The following ANKS1B variants were observed in gnomAD, a reference collection of about 807,000 sequenced individuals.
The protein encoded by ANKS1B is ankyrin repeat and sterile alpha motif domain-containing protein 1B.
Under a neutral mutation model 148.3 loss-of-function variants are expected in ANKS1B, and 36 were observed. The ratio of observed to expected loss-of-function variants is 0.24; its 90% CI spans 0.19 to 0.32. The LOEUF is 0.32. ANKS1B is among the 10% of genes least tolerant of loss of function. The pLI, the probability that ANKS1B is intolerant of heterozygous loss-of-function variation, is 1.00. For synonymous variants in ANKS1B, 542 were observed against 560.8 expected (o/e 0.97, Z 0.47); for missense variants, 1,157 against 1,542.6 (o/e 0.75, Z 4.19).
At chr12:99,325,816 C>T (rs976465659) in intron 12 of ANKS1B, among the ~76,000 whole-genome samples, 5 of 152,038 alleles carry the variant, frequency 3.3e-5, no homozygotes, top group African/African-American at 1.2e-4. Flanking sequence ...GTGGTCCAGT[C>T]AAAGCAAAAG....
intron 8 of ANKS1B, among the ~76,000 whole-genome samples, chr12:99,695,145 A>C: frequency 6.6e-6 from 1 of 152,208 alleles, no homozygotes. Flanking sequence ...GGTTTACATA[A>C]ATTATTTATT....
At chr12:99,234,809 A>G (rs2087582518) in intron 14 of ANKS1B, among the ~76,000 whole-genome samples, 1 of 152,034 alleles carries the variant, frequency 6.6e-6, no homozygotes, top group Non-Finnish European at 1.5e-5. Context: ...CTCAGTACCC[A>G]AAATATTACT....
At chr12:99,080,156 A>T (rs1329670449) in intron 16 of ANKS1B, among the ~76,000 whole-genome samples, 1 of 152,150 alleles carries the variant, frequency 6.6e-6, no homozygotes, top group Non-Finnish European at 1.5e-5. Context: ...CTTGCAATAA[A>T]CCTTTCTCTC....
intron 17 of ANKS1B, among the ~76,000 whole-genome samples, chr12:98,969,418 CCAAA>C (rs1383899495): frequency 1.3e-5 from 2 of 152,000 alleles, no homozygotes; most frequent in African/African-American, 2.4e-5. Context: ...CAAATGTGGG[CCAAA>C]CATTCTATGG....
At chr12:98,818,694 A>G (rs1361377334) in intron 19 of ANKS1B, among the ~76,000 whole-genome samples, 1 of 152,208 alleles carries the variant, frequency 6.6e-6, no homozygotes, top group African/African-American at 2.4e-5. Flanking sequence ...AAAAACCTAG[A>G]TTTTGCAAAG....
intron 17 of ANKS1B, among the ~76,000 whole-genome samples, chr12:98,980,500 C>T (rs1489750785): frequency 1.3e-5 from 2 of 152,230 alleles, no homozygotes; most frequent in Non-Finnish European, 2.9e-5. Context: ...GCCACCGCGC[C>T]CGGCCGCACA....
In ANKS1B at chr12:98,917,370, T is replaced by G. The variant is rs528604780; in HGVS notation, c.2779-85234A>C. ...TACCCTCAGGAAATGTCGGGGCCCA[T>G]CCCTCCCACTTTATGCTCCAGAGAG... On this transcript the variant is annotated intron_variant, in intron 17 of 26. Coordinates refer to ENST00000683438, the MANE Select transcript of ANKS1B (RefSeq NM_001352186.2). Among the ~76,000 whole-genome samples the G allele has an allele frequency of 7.5e-4, 114 of 152,182 alleles. 1 individual carries two copies. The highest frequency in any genetic ancestry group is 2.7e-3 in the African/African-American group (111 of 41,540).
chr12:99,173,311 A>G (rs921297519), intron 14 of ANKS1B, among the ~76,000 whole-genome samples: 1 of 152,186 alleles, frequency 6.6e-6, no homozygotes, highest in Non-Finnish European at 1.5e-5. Context: ...CTGAAAATTA[A>G]TGCTTATTTC....
intron 12 of ANKS1B, among the ~76,000 whole-genome samples, chr12:99,282,364 G>A (rs75254765): frequency 2.0e-5 from 3 of 152,286 alleles, no homozygotes; most frequent in Non-Finnish European, 2.9e-5. Context: ...CAAGGCATAG[G>A]ACTACCTCAT....
chr12:99,007,972 C>A (rs985419459), intron 17 of ANKS1B, among the ~76,000 whole-genome samples: 3 of 151,420 alleles, frequency 2.0e-5, no homozygotes, highest in Admixed American at 6.6e-5. Context: ...CTGTCCAAGC[C>A]CCCCCACCCT....
At chr12:99,576,135 G>C (rs1307438096) in intron 9 of ANKS1B, among the ~76,000 whole-genome samples, 1 of 152,000 alleles carries the variant, frequency 6.6e-6, no homozygotes, top group East Asian at 1.9e-4. Context: ...AACCAACAAT[G>C]ATCAAAAGGG....
At chr12:99,184,678 A>T (rs1463775400) in intron 14 of ANKS1B, among the ~76,000 whole-genome samples, 1 of 152,224 alleles carries the variant, frequency 6.6e-6, no homozygotes, top group African/African-American at 2.4e-5. Context: ...GTTCGTCAAG[A>T]GTTAGTGCAA....
intron 8 of ANKS1B, among the ~76,000 whole-genome samples, chr12:99,677,743 G>C (rs2098587091): frequency 6.6e-6 from 1 of 152,220 alleles, no homozygotes; most frequent in Non-Finnish European, 1.5e-5. Context: ...GGAGGCTGAG[G>C]CTGGCAGATC....
chr12:99,034,161 A>G (rs1486484771), intron 17 of ANKS1B, among the ~76,000 whole-genome samples: 2 of 152,174 alleles, frequency 1.3e-5, no homozygotes, highest in Non-Finnish European at 2.9e-5. Flanking sequence ...AGCCACCCAG[A>G]GCTCTGTAGT....
intron 14 of ANKS1B, among the ~76,000 whole-genome samples, chr12:99,226,189 TA>T (rs780007727): frequency 5.9e-5 from 9 of 152,308 alleles, no homozygotes; most frequent in Non-Finnish European, 1.2e-4. Flanking sequence ...ATGATCTATT[TA>T]ATCTCTTGAG....
At chr12:98,800,693 C>CATATATATATATATATATATATATATATA (rs2098997683) in intron 21 of ANKS1B, among the ~76,000 whole-genome samples, 1 of 88,346 alleles carries the variant, frequency 1.1e-5, no homozygotes, top group Non-Finnish European at 2.4e-5. Flanking sequence ...TATATATATG[C>CATATATATATATATATATATATATATATA]CATATTTACA....
chr12:99,325,034 T>C (rs554873090), intron 12 of ANKS1B, among the ~76,000 whole-genome samples: 24 of 152,262 alleles, frequency 1.6e-4, no homozygotes, highest in Middle Eastern at 3.4e-3. Context: ...ATATGTACAG[T>C]ATGTACCACA....
At chr12:98,994,202 T>C (rs1372683734) in intron 17 of ANKS1B, among the ~76,000 whole-genome samples, 1 of 152,216 alleles carries the variant, frequency 6.6e-6, no homozygotes, top group Non-Finnish European at 1.5e-5. Flanking sequence ...GTTTAAAAAC[T>C]TCCCCTGTAA....
intron 4 of ANKS1B, among the ~76,000 whole-genome samples, chr12:99,787,056 T>TA: frequency 1.3e-5 from 2 of 152,328 alleles, no homozygotes; most frequent in East Asian, 3.9e-4. Flanking sequence ...ATATAATATT[T>TA]AAAATCAATG....
Sources: allele counts gnomAD v4.1 joint callset (sites outside exome capture counted in the v4.1 genomes callset), GRCh38; gene constraint gnomAD v4.1.1; transcripts MANE v1.5; gene names NCBI Gene and HGNC (gene_info 2026-07-23, HGNC 2026-07-21).